Variants in TMEFF1 observed in about 807,000 individuals in gnomAD.
TMEFF1 encodes tomoregulin-1.
Under a neutral mutation model 47.5 loss-of-function variants are expected in TMEFF1, and 20 were observed. The ratio of observed to expected loss-of-function variants is 0.42; its 90% CI spans 0.30 to 0.61. The LOEUF (loss-of-function observed/expected upper bound fraction) is 0.61. TMEFF1 is among the 20% of genes least tolerant of loss of function. The pLI is 0.19. For synonymous variants in TMEFF1, 162 were observed against 166.3 expected, an observed-to-expected ratio of 0.97 and a Z score of 0.20; for missense variants, 411 against 471.1, an observed-to-expected ratio of 0.87 and a Z score of 1.18.
At chr9:100,497,912 T>C (rs1837687516) in intron 1 of TMEFF1, among the ~76,000 whole-genome samples, 1 of 151,706 alleles carries the variant, frequency 6.6e-6, no homozygotes, top group African/African-American at 2.4e-5. Flanking sequence ...TACACTGGGA[T>C]GGTTTTTTTT....
chr9:100,495,868 A>G (rs1004960013), intron 1 of TMEFF1, among the ~76,000 whole-genome samples: 1 of 152,180 alleles, frequency 6.6e-6, no homozygotes, highest in Non-Finnish European at 1.5e-5. Flanking sequence ...CCACTGCTAC[A>G]TGACACCTGT....
chr9:100,560,631 C>T (rs1838998171), intron 7 of TMEFF1, among the ~76,000 whole-genome samples: 1 of 152,098 alleles, frequency 6.6e-6, no homozygotes. Flanking sequence ...TTTCATCTTT[C>T]CTGACCTGTT....
intron 5 of TMEFF1, among the ~76,000 whole-genome samples, chr9:100,521,338 A>G (rs987218621): frequency 6.6e-6 from 1 of 152,062 alleles, no homozygotes; most frequent in African/African-American, 2.4e-5. Context: ...TGTGACAGTT[A>G]TGTTCGTTAA....
At chr9:100,504,510 G>A (rs185141272) in intron 2 of TMEFF1, among the ~76,000 whole-genome samples, 54 of 152,200 alleles carry the variant, frequency 3.5e-4, no homozygotes, top group Admixed American at 6.5e-4. Context: ...GTGACTATTG[G>A]CAAATACTTA....
intron 8 of TMEFF1, among the ~76,000 whole-genome samples, chr9:100,567,534 A>G (rs1054018835): frequency 3.9e-5 from 6 of 152,084 alleles, no homozygotes; most frequent in African/African-American, 7.2e-5. Context: ...AGGGATCTTT[A>G]TCTGTTCTGT....
intron 1 of TMEFF1, among the ~76,000 whole-genome samples, chr9:100,487,460 G>A (rs78903869): frequency 0.022 from 3,337 of 152,182 alleles, 101 homozygotes; most frequent in African/African-American, 0.076. Flanking sequence ...AAGCCACTGC[G>A]CCCAGCCTCC....
At chr9:100,573,842 G>T (rs1217707242) in intron 9 of TMEFF1, among the ~76,000 whole-genome samples, 4 of 152,244 alleles carry the variant, frequency 2.6e-5, no homozygotes, top group Non-Finnish European at 4.4e-5. Context: ...CAGAACAGAT[G>T]ATCTGCCCTT....
chr9:100,508,774 A>G (rs995236947), intron 2 of TMEFF1, among the ~76,000 whole-genome samples: 6 of 151,968 alleles, frequency 3.9e-5, no homozygotes, highest in Admixed American at 2.6e-4. Context: ...AATGAAGTAG[A>G]TAGAGATTTT....
chr9:100,492,823 G>A (rs10989113), intron 1 of TMEFF1, among the ~76,000 whole-genome samples: 6,605 of 152,100 alleles, frequency 0.043, 315 homozygotes, highest in South Asian at 0.21. Context: ...AGTTGCTATA[G>A]GAAGAAGGAG....
intron 5 of TMEFF1, among the ~76,000 whole-genome samples, chr9:100,525,141 C>T (rs1196149461): frequency 6.6e-6 from 1 of 152,180 alleles, no homozygotes; most frequent in Non-Finnish European, 1.5e-5. Flanking sequence ...ATCCCAGGAT[C>T]TCCCTTCAGT....
chr9:100,476,554 C>T (rs1022691687), intron 1 of TMEFF1, among the ~76,000 whole-genome samples: 2 of 151,964 alleles, frequency 1.3e-5, no homozygotes, highest in Admixed American at 6.6e-5. Context: ...ACCACCATGC[C>T]GGGCTAATTT....
In TMEFF1 at chr9:100,498,889, C is replaced by G. The variant is rs999525157; in HGVS notation, c.306+15C>G. On this transcript the variant is annotated intron_variant, in intron 2 of 9. Coordinates refer to ENST00000374879, the MANE Select transcript of TMEFF1 (RefSeq NM_003692.5). ...GCCAATTTCAGGTGAGGAAACCCAGCCTATTTTGAAAAGTTTTATATTCTT... is the reference window on the plus strand; with the variant it reads ...GCCAATTTCAGGTGAGGAAACCCAGGCTATTTTGAAAAGTTTTATATTCTT... 9 of 1,603,738 alleles carry G rather than the reference C, an allele frequency of 5.6e-6. No individual in the cohort carries two copies. The highest frequency in any genetic ancestry group is 5.3e-5 in the Admixed American group (3 of 56,548).
At chr9:100,542,648 C>A (rs777763259) in intron 5 of TMEFF1, among the ~76,000 whole-genome samples, 1 of 152,154 alleles carries the variant, frequency 6.6e-6, no homozygotes, top group Non-Finnish European at 1.5e-5. Context: ...ATTCTTACTT[C>A]GCTGAAGGTA....
chr9:100,537,701 ATAT>A (rs1838545608), intron 5 of TMEFF1, among the ~76,000 whole-genome samples: 4 of 151,968 alleles, frequency 2.6e-5, no homozygotes, highest in Admixed American at 2.0e-4. Context: ...AGATACAGAG[ATAT>A]TATGACTAAA....
intron 1 of TMEFF1, among the ~76,000 whole-genome samples, chr9:100,479,341 T>A (rs1479264490): frequency 6.6e-6 from 1 of 152,220 alleles, no homozygotes; most frequent in Admixed American, 6.5e-5. Context: ...ACATCTGGGC[T>A]TGCTTCCCTA....
Position 100,475,959 on chromosome 9 carries a change from A to G in TMEFF1, c.196+2219A>G, listed in dbSNP as rs546431068. 5.9e-5 allele frequency among the ~76,000 whole-genome samples: 9 copies of G among 152,178 alleles called. No individual in the cohort carries two copies. In the South Asian group the frequency reaches 1.7e-3, roughly 28 times the overall value. On this transcript the variant is annotated intron_variant, in intron 1 of 9. Transcript: ENST00000374879. ...AGTGTGGGAAAAAGGGGACTGATCTAGGGGTCATGGTCCTTGTTAAGCAGC... is the reference window on the plus strand; with the variant it reads ...AGTGTGGGAAAAAGGGGACTGATCTGGGGGTCATGGTCCTTGTTAAGCAGC...
intron 1 of TMEFF1, among the ~76,000 whole-genome samples, chr9:100,475,361 C>A (rs1273381804): frequency 6.6e-6 from 1 of 152,134 alleles, no homozygotes; most frequent in African/African-American, 2.4e-5. Flanking sequence ...GCATTTCCAT[C>A]CGTGAAAAAA....
intron 2 of TMEFF1, among the ~76,000 whole-genome samples, chr9:100,504,460 A>G (rs1837819974): frequency 6.6e-6 from 1 of 152,232 alleles, no homozygotes. Flanking sequence ...AGTGGTTAAA[A>G]TACATCATAT....
At chr9:100,545,596 A>G (rs1019969533) in intron 5 of TMEFF1, among the ~76,000 whole-genome samples, 6 of 152,216 alleles carry the variant, frequency 3.9e-5, no homozygotes, top group Non-Finnish European at 8.8e-5. Flanking sequence ...TTGGGGATTA[A>G]CATTCGACTG....
Sources: gnomAD v4.1 joint callset for allele counts (sites outside exome capture counted in the v4.1 genomes callset) on GRCh38, gnomAD v4.1.1 for gene constraint, MANE v1.5 for transcripts, NCBI Gene and HGNC (gene_info 2026-07-23, HGNC 2026-07-21) for gene names.